The following PTPRD variants were observed in gnomAD, a reference collection of about 807,000 sequenced individuals.
The protein encoded by PTPRD is receptor-type tyrosine-protein phosphatase delta.
PTPRD carries 34 observed loss-of-function variants against 214.5 expected under a neutral mutation model. That is an observed-to-expected ratio of 0.16 (90% CI 0.12 to 0.21). PTPRD has a LOEUF of 0.21. Among genes scored for constraint, PTPRD ranks in the 10% least tolerant of loss-of-function variants. PTPRD has a pLI of 1.00. For synonymous variants in PTPRD, 1,128 were observed against 845.7 expected, an observed-to-expected ratio of 1.33 and a Z score of -5.79; for missense variants, 2,545 against 2,398.7, an observed-to-expected ratio of 1.06 and a Z score of -1.27.
intron 12 of PTPRD, among the ~76,000 whole-genome samples, chr9:8,717,719 A>C: frequency 6.6e-6 from 1 of 152,202 alleles, no homozygotes; most frequent in East Asian, 1.9e-4. Flanking sequence ...TGGGGCCTAC[A>C]TGTCTACATT....
chr9:8,929,251 A>C, intron 11 of PTPRD, among the ~76,000 whole-genome samples: 1 of 152,138 alleles, frequency 6.6e-6, no homozygotes, highest in African/African-American at 2.4e-5. Context: ...GAGGGAGGGC[A>C]TCCTTGTCTT....
At chr9:8,409,838 T>C (rs949603125) in intron 35 of PTPRD, among the ~76,000 whole-genome samples, 2 of 152,180 alleles carry the variant, frequency 1.3e-5, no homozygotes, top group African/African-American at 2.4e-5. Context: ...TTTAATTATA[T>C]AGAAGGAATA....
chr9:8,660,257 T>C (rs2097012832), intron 12 of PTPRD, among the ~76,000 whole-genome samples: 1 of 152,176 alleles, frequency 6.6e-6, no homozygotes, highest in Non-Finnish European at 1.5e-5. Flanking sequence ...TAAGCAATAA[T>C]AGCCATACAC....
chr9:10,399,673 G>A (rs992031298), intron 2 of PTPRD, among the ~76,000 whole-genome samples: 1 of 151,916 alleles, frequency 6.6e-6, no homozygotes, highest in Non-Finnish European at 1.5e-5. Context: ...GAAAATTTCA[G>A]AGATGAGGTG....
chr9:9,669,680 C>A (rs1019209704), intron 7 of PTPRD, among the ~76,000 whole-genome samples: 1 of 152,064 alleles, frequency 6.6e-6, no homozygotes, highest in African/African-American at 2.4e-5. Context: ...GAGTCAGAAA[C>A]TAAATTTTCA....
chr9:10,384,778 A>AT (rs1395258024), intron 2 of PTPRD, among the ~76,000 whole-genome samples: 3 of 151,392 alleles, frequency 2.0e-5, no homozygotes, highest in Non-Finnish European at 4.4e-5. Flanking sequence ...CAGAAAAAAA[A>AT]AACCTCCTTC....
intron 7 of PTPRD, among the ~76,000 whole-genome samples, chr9:9,646,261 G>A (rs2096161424): frequency 6.6e-6 from 1 of 151,546 alleles, no homozygotes; most frequent in Admixed American, 6.6e-5. Context: ...TTTCTTGGAT[G>A]TTGTTAGTCT....
chr9:8,502,183 A>G lies in PTPRD; in HGVS notation c.1823-1124T>C, dbSNP rs542870510. Among the ~76,000 whole-genome samples the G allele has an allele frequency of 2.0e-5, 3 of 152,290 alleles. No homozygotes were observed. In the South Asian group the frequency reaches 6.2e-4, roughly 32 times the overall value. Reference sequence around the variant, plus strand: ...TTTTAAAAAATTAAAAATCAATAAAAGACAGCACAATTACTATCATTATTT... The same window carrying G: ...TTTTAAAAAATTAAAAATCAATAAAGGACAGCACAATTACTATCATTATTT... On this transcript the variant is annotated intron_variant, in intron 23 of 45. Coordinates refer to ENST00000381196, the MANE Select transcript of PTPRD (RefSeq NM_002839.4).
intron 11 of PTPRD, among the ~76,000 whole-genome samples, chr9:8,750,516 AG>A (rs1483681670): frequency 6.6e-6 from 1 of 152,086 alleles, no homozygotes; most frequent in East Asian, 1.9e-4. Context: ...GCAAGTTAAC[AG>A]GGGTAGAAAA....
chr9:9,902,577 G>T (rs1401735398), intron 5 of PTPRD, among the ~76,000 whole-genome samples: 3 of 152,054 alleles, frequency 2.0e-5, no homozygotes, highest in Non-Finnish European at 4.4e-5. Flanking sequence ...AAAGAAACTA[G>T]CACATTTAGA....
At chr9:9,955,128 C>T (rs1028982873) in intron 4 of PTPRD, among the ~76,000 whole-genome samples, 2 of 152,086 alleles carry the variant, frequency 1.3e-5, no homozygotes, top group African/African-American at 2.4e-5. Context: ...GAAAGCCTAA[C>T]AGCAATGTAG....
At chr9:9,309,790 T>C (rs1252587120) in intron 9 of PTPRD, among the ~76,000 whole-genome samples, 1 of 152,234 alleles carries the variant, frequency 6.6e-6, no homozygotes, top group Non-Finnish European at 1.5e-5. Flanking sequence ...TTCACTATCG[T>C]ATTTGTTAAA....
At chr9:8,665,145 T>G (rs2097145811) in intron 12 of PTPRD, among the ~76,000 whole-genome samples, 1 of 152,226 alleles carries the variant, frequency 6.6e-6, no homozygotes, top group Admixed American at 6.5e-5. Context: ...GTGTGGTTCT[T>G]TCACAAGCAG....
intron 11 of PTPRD, among the ~76,000 whole-genome samples, chr9:8,753,446 A>T (rs2093706757): frequency 6.6e-6 from 1 of 152,192 alleles, no homozygotes; most frequent in African/African-American, 2.4e-5. Context: ...AAAGCAGAAA[A>T]GTTTTCACTC....
chr9:8,914,024 G>C (rs2098767141), intron 11 of PTPRD, among the ~76,000 whole-genome samples: 1 of 152,124 alleles, frequency 6.6e-6, no homozygotes. Context: ...TTTGGTCATG[G>C]ATTCAGAGAT....
At chr9:9,459,928 T>A (rs2093475073) in intron 8 of PTPRD, among the ~76,000 whole-genome samples, 1 of 152,004 alleles carries the variant, frequency 6.6e-6, no homozygotes, top group Non-Finnish European at 1.5e-5. Flanking sequence ...GGCATCACAT[T>A]ACCTGACTTC....
intron 8 of PTPRD, among the ~76,000 whole-genome samples, chr9:9,421,950 C>A (rs1309775802): frequency 6.7e-6 from 1 of 149,638 alleles, no homozygotes; most frequent in African/African-American, 2.5e-5. Context: ...AAACAAACAA[C>A]AATAACACAA....
intron 8 of PTPRD, among the ~76,000 whole-genome samples, chr9:9,456,380 A>G (rs1569568490): frequency 1.3e-5 from 2 of 151,898 alleles, no homozygotes; most frequent in African/African-American, 4.8e-5. Flanking sequence ...ATTGCTTTAG[A>G]TAAAGATTAA....
intron 39 of PTPRD, among the ~76,000 whole-genome samples, chr9:8,370,810 G>T (rs972714713): frequency 1.3e-5 from 2 of 152,028 alleles, no homozygotes; most frequent in East Asian, 3.9e-4. Flanking sequence ...GATTTATAGG[G>T]CCATGCAACA....
Sources: allele counts gnomAD v4.1 joint callset (sites outside exome capture counted in the v4.1 genomes callset), GRCh38; gene constraint gnomAD v4.1.1; transcripts MANE v1.5; gene names NCBI Gene and HGNC (gene_info 2026-07-23, HGNC 2026-07-21).